SIPA1L3: variants seen among roughly 807,000 people sequenced by gnomAD.
SIPA1L3 encodes the protein signal induced proliferation associated 1 like 3.
A neutral mutation model predicts 150.1 loss-of-function variants in SIPA1L3; 59 were observed. That is an observed-to-expected ratio of 0.39 (90% CI 0.32 to 0.49). The LOEUF (loss-of-function observed/expected upper bound fraction) is 0.49. SIPA1L3 is among the 20% of genes least tolerant of loss of function. The pLI is 0.86. For synonymous variants in SIPA1L3, 1,070 were observed against 1,077.6 expected (o/e 0.99, Z 0.14); for missense variants, 2,211 against 2,489.5 (o/e 0.89, Z 2.38).
At chr19:37,956,554 GCT>G (rs2046813613) in intron 1 of SIPA1L3, among the ~76,000 whole-genome samples, 1 of 144,870 alleles carries the variant, frequency 6.9e-6, no homozygotes, top group Non-Finnish European at 1.5e-5. Flanking sequence ...CACAATCTCG[GCT>G]CACTGCAATC....
Position 38,153,435 on chromosome 19 carries a change from C to T in SIPA1L3, c.3661+468C>T, listed in dbSNP as rs549351371. 5.3e-5 allele frequency among the ~76,000 whole-genome samples: 8 copies of T among 152,190 alleles called. No homozygotes were observed. The East Asian group carries it at 5.8e-4, about 11-fold the overall frequency. On this transcript the variant is annotated intron_variant, in intron 13 of 21. Coordinates refer to ENST00000222345, the MANE Select transcript of SIPA1L3 (RefSeq NM_015073.3). ...CTATAATCCCAGCACTTTGAGAGGC[C>T]GAGGTGGGAGGATTACCTGAGGTCA...
intron 2 of SIPA1L3, among the ~76,000 whole-genome samples, chr19:38,059,130 A>G (rs1969393176): frequency 1.3e-5 from 2 of 150,738 alleles, no homozygotes; most frequent in South Asian, 4.2e-4. Context: ...CTTCCTGAGT[A>G]GCTGAGTCTA....
At chr19:38,146,248 T>C (rs1384824000) in intron 12 of SIPA1L3, among the ~76,000 whole-genome samples, 2 of 152,180 alleles carry the variant, frequency 1.3e-5, no homozygotes, top group African/African-American at 4.8e-5. Context: ...TCTTTTTCAC[T>C]CAGCAGAATG....
At chr19:38,019,408 T>A (rs901792228) in intron 1 of SIPA1L3, among the ~76,000 whole-genome samples, 1 of 151,822 alleles carries the variant, frequency 6.6e-6, no homozygotes, top group African/African-American at 2.4e-5. Context: ...GGGAATAGGG[T>A]GAGGGAGAGG....
chr19:38,143,059 A>G (rs1971628827), intron 12 of SIPA1L3, among the ~76,000 whole-genome samples: 1 of 152,056 alleles, frequency 6.6e-6, no homozygotes. Context: ...AGTTTTCGAG[A>G]TCTTTCAGGA....
At position 38,083,012 on chromosome 19, in the gene SIPA1L3, C is replaced by T; in HGVS notation, c.1447C>T (p.Gln483Ter). The change falls in exon 3 of 22, where the codon CAG becomes TAG. Residue 483 changes from glutamine to a stop codon, truncating the protein, a stop_gained. Transcript: ENST00000222345. LOFTEE classifies it high-confidence loss of function. ...ISVLEVPKEQ[Q>*]RTQSRPRQYS... ...GGTGTTGGAAGTTCCCAAGGAGCAG[C>T]AGCGGACGCAGAGTCGGCCCCGGCA... The T allele has an allele frequency of 6.2e-7, 1 of 1,613,316 alleles. No homozygotes were observed. The highest frequency in any genetic ancestry group is 8.5e-7 in the Non-Finnish European group (1 of 1,180,000).
intron 20 of SIPA1L3, 150 bp from the exon 21 acceptor site, chr19:38,203,977 G>A (rs1973147726): frequency 1.6e-6 from 1 of 625,388 alleles, no homozygotes; most frequent in East Asian, 2.8e-5. Context: ...TGGAGGGCTG[G>A]CTTCCTGCTT....
At chr19:38,155,630 GA>G (rs1402495192) in intron 13 of SIPA1L3, among the ~76,000 whole-genome samples, 2 of 152,194 alleles carry the variant, frequency 1.3e-5, no homozygotes, top group Non-Finnish European at 2.9e-5. Flanking sequence ...GTCAGAGTGG[GA>G]GGGGTGGAGA....
At chr19:37,941,756 G>A (rs1364723569) in intron 1 of SIPA1L3, among the ~76,000 whole-genome samples, 2 of 152,170 alleles carry the variant, frequency 1.3e-5, no homozygotes, top group East Asian at 3.8e-4. Flanking sequence ...TCTACGCCAA[G>A]GAATTAGTCC....
intron 1 of SIPA1L3, among the ~76,000 whole-genome samples, chr19:38,018,850 G>A (rs149647494): frequency 4.6e-5 from 7 of 152,164 alleles, no homozygotes; most frequent in Middle Eastern, 3.4e-3. Flanking sequence ...TTTGTTCACC[G>A]TACCTAGCAT....
intron 1 of SIPA1L3, among the ~76,000 whole-genome samples, chr19:37,923,150 AG>A (rs1252651698): frequency 6.6e-5 from 10 of 151,424 alleles, no homozygotes; most frequent in African/African-American, 2.2e-4. Flanking sequence ...AAAAAAAAAA[AG>A]AAGTACAACA....
At chr19:38,183,387 G>A (rs1389918900) in intron 16 of SIPA1L3, among the ~76,000 whole-genome samples, 2 of 152,028 alleles carry the variant, frequency 1.3e-5, no homozygotes, top group African/African-American at 2.4e-5. Flanking sequence ...AGAAGGGGGC[G>A]GTTCCGGATA....
At chr19:38,171,496 G>A (rs773980403) in intron 15 of SIPA1L3, among the ~76,000 whole-genome samples, 7 of 147,952 alleles carry the variant, frequency 4.7e-5, no homozygotes, top group Admixed American at 6.9e-5. Context: ...AGGTTCAAGC[G>A]ATTCTCCTGC....
At chr19:37,926,995 A>G (rs1431365916) in intron 1 of SIPA1L3, among the ~76,000 whole-genome samples, 1 of 152,066 alleles carries the variant, frequency 6.6e-6, no homozygotes, top group Non-Finnish European at 1.5e-5. Flanking sequence ...GCAGCTAAAA[A>G]AAGGTGGTGG....
At chr19:38,001,607 C>T (rs74570773) in intron 1 of SIPA1L3, among the ~76,000 whole-genome samples, 1,989 of 152,032 alleles carry the variant, frequency 0.013, 42 homozygotes, top group African/African-American at 0.044. Flanking sequence ...TTTTATTATT[C>T]GTAGAGACTG....
chr19:37,984,673 T>C (rs927294934), intron 1 of SIPA1L3, among the ~76,000 whole-genome samples: 2 of 152,234 alleles, frequency 1.3e-5, no homozygotes, highest in East Asian at 3.8e-4. Flanking sequence ...TCTTTTTGCA[T>C]AGGTCCTGAC....
At chr19:38,111,457 G>T (rs1970740094) in intron 8 of SIPA1L3, among the ~76,000 whole-genome samples, 2 of 152,188 alleles carry the variant, frequency 1.3e-5, no homozygotes, top group Non-Finnish European at 1.5e-5. Context: ...TGCCTGCAAT[G>T]AACAGTCTTA....
At chr19:38,191,058 A>C (rs570209493) in intron 16 of SIPA1L3, among the ~76,000 whole-genome samples, 1 of 152,332 alleles carries the variant, frequency 6.6e-6, no homozygotes, top group South Asian at 2.1e-4. Context: ...TAACAGCCTC[A>C]TCCATGAGAT....
chr19:38,000,923 C>A (rs1001362965), intron 1 of SIPA1L3, among the ~76,000 whole-genome samples: 15 of 130,258 alleles, frequency 1.2e-4, no homozygotes, highest in African/African-American at 2.1e-4. Context: ...ATATATATAA[C>A]ATATATATAA....
Sources: gnomAD v4.1 joint callset for allele counts (sites outside exome capture counted in the v4.1 genomes callset) on GRCh38, gnomAD v4.1.1 for gene constraint, MANE v1.5 for transcripts, NCBI Gene and HGNC (gene_info 2026-07-23, HGNC 2026-07-21) for gene names.